The following ZDHHC7 variants were observed in gnomAD, a reference collection of about 807,000 sequenced individuals.
ZDHHC7 encodes the protein palmitoyltransferase ZDHHC7.
Under a neutral mutation model 34.1 loss-of-function variants are expected in ZDHHC7, and 12 were observed. The observed-to-expected ratio is 0.35, with a 90% CI of 0.23 to 0.57. The LOEUF (loss-of-function observed/expected upper bound fraction) is 0.57. ZDHHC7 is among the 20% of genes least tolerant of loss of function. The pLI is 0.84. For synonymous variants in ZDHHC7, 185 were observed against 155.4 expected (o/e 1.19, Z -1.42); for missense variants, 388 against 402.7 (o/e 0.96, Z 0.31).
intron 3 of ZDHHC7, among the ~76,000 whole-genome samples, chr16:84,989,694 C>CCA (rs2072482860): frequency 1.0e-5 from 1 of 96,494 alleles, no homozygotes; most frequent in African/African-American, 4.1e-5. Context: ...AACTCCGTCT[C>CCA]AAAAAAAAAA....
chr16:85,023,972 C>A, the ZDHHC7 span, among the ~76,000 whole-genome samples: 1 of 152,130 alleles, frequency 6.6e-6, no homozygotes, highest in Non-Finnish European at 1.5e-5. Flanking sequence ...GGTTGGAATG[C>A]AATGGTAGGA....
At chr16:85,001,023 G>A (rs1213340977) in intron 1 of ZDHHC7, among the ~76,000 whole-genome samples, 1 of 152,154 alleles carries the variant, frequency 6.6e-6, no homozygotes, top group Non-Finnish European at 1.5e-5. Context: ...CAGCACAGAA[G>A]GGAATTCAGC....
At chr16:85,025,239 C>A in the ZDHHC7 span, among the ~76,000 whole-genome samples, 1 of 151,720 alleles carries the variant, frequency 6.6e-6, no homozygotes, top group Non-Finnish European at 1.5e-5. Context: ...TCACTGCACT[C>A]CGGCCTGGGT....
At chr16:85,023,692 C>T in the ZDHHC7 span, among the ~76,000 whole-genome samples, 1 of 152,172 alleles carries the variant, frequency 6.6e-6, no homozygotes, top group Non-Finnish European at 1.5e-5. Flanking sequence ...AATCTTGGCT[C>T]ACTGCAACCT....
chr16:84,996,800 G>C (rs1019587085), intron 1 of ZDHHC7, among the ~76,000 whole-genome samples: 1 of 152,016 alleles, frequency 6.6e-6, no homozygotes, highest in Admixed American at 6.5e-5. Context: ...AGGCTGAGGC[G>C]GGTGGATCAT....
intron 2 of ZDHHC7, 76 bp from the exon 3 acceptor site, chr16:84,990,711 T>G: frequency 7.9e-7 from 1 of 1,271,548 alleles, no homozygotes; most frequent in Non-Finnish European, 1.1e-6. Context: ...GTGTTACAGT[T>G]TGTCCTTGGC....
At chr16:85,027,598 C>T in the ZDHHC7 span, among the ~76,000 whole-genome samples, 9 of 152,210 alleles carry the variant, frequency 5.9e-5, no homozygotes, top group Admixed American at 5.2e-4. Flanking sequence ...CCCGAGAGCG[C>T]TCCCACCGAG....
At chr16:84,996,144 T>G (rs2072574106) in intron 1 of ZDHHC7, 137 bp from the exon 2 acceptor site, 1 of 152,236 alleles carries the variant, frequency 6.6e-6, no homozygotes, top group Non-Finnish European at 1.5e-5. Flanking sequence ...TATCCTTAAG[T>G]ATGAAATCAT....
At position 84,982,002 on chromosome 16, in the gene ZDHHC7, A is replaced by T; in HGVS notation, c.316-8T>A. ...TCCTTTGGGTACTGCCCCCTACCAT[A>T]TAAGAAGAATGTACTTTAGTTGGGG... On this transcript the variant is annotated splice_polypyrimidine_tract_variant and splice_region_variant and intron_variant, in intron 3 of 7. Transcript: ENST00000313732. 1 of 1,613,906 alleles carries T rather than the reference A, an allele frequency of 6.2e-7. No homozygotes were observed. The highest frequency in any genetic ancestry group is 1.1e-5 in the South Asian group (1 of 91,084).
chr16:85,016,219 A>G (rs1174882208), upstream of ZDHHC7, among the ~76,000 whole-genome samples: 1 of 152,118 alleles, frequency 6.6e-6, no homozygotes, highest in African/African-American at 2.4e-5. Flanking sequence ...ATGAGGTCTC[A>G]CTATGTTGCC....
intron 1 of ZDHHC7, among the ~76,000 whole-genome samples, chr16:85,010,758 G>A (rs904343739): frequency 3.9e-5 from 6 of 152,240 alleles, no homozygotes; most frequent in Non-Finnish European, 7.3e-5. Flanking sequence ...AAGCTTTACT[G>A]TCCCAGATGC....
intron 1 of ZDHHC7, among the ~76,000 whole-genome samples, chr16:85,008,099 G>C (rs139281110): frequency 6.6e-6 from 1 of 152,152 alleles, no homozygotes; most frequent in South Asian, 2.1e-4. Context: ...CTGGGCAAAA[G>C]AGCAAGACCC....
At chr16:84,979,548 C>A (rs1351612813) in intron 4 of ZDHHC7, among the ~76,000 whole-genome samples, 1 of 152,168 alleles carries the variant, frequency 6.6e-6, no homozygotes, top group African/African-American at 2.4e-5. Context: ...CTCAGACACT[C>A]CCCCAGTAGA....
chr16:85,012,929 C>T (rs2072813240), upstream of ZDHHC7, among the ~76,000 whole-genome samples: 1 of 151,738 alleles, frequency 6.6e-6, no homozygotes, highest in African/African-American at 2.4e-5. Context: ...AAGAAAAAAC[C>T]AGAATATATC....
At chr16:84,976,957 G>A (rs1395709161) in intron 7 of ZDHHC7, 138 bp downstream of exon 7, 1 of 1,266,366 alleles carries the variant, frequency 7.9e-7, no homozygotes, top group Non-Finnish European at 1.1e-6. Flanking sequence ...CAAACACAGG[G>A]AGCTGGTTGC....
At chr16:85,026,948 G>A in the ZDHHC7 span, among the ~76,000 whole-genome samples, 2 of 152,128 alleles carry the variant, frequency 1.3e-5, no homozygotes, top group African/African-American at 2.4e-5. Flanking sequence ...ACTAGGGAGG[G>A]GCTGTCAGTT....
At chr16:85,026,717 C>T in the ZDHHC7 span, among the ~76,000 whole-genome samples, 1 of 151,652 alleles carries the variant, frequency 6.6e-6, no homozygotes. Context: ...TTCAGAAAAC[C>T]CACCGTTTTC....
the ZDHHC7 span, among the ~76,000 whole-genome samples, chr16:85,018,865 A>G: frequency 6.6e-6 from 1 of 152,102 alleles, no homozygotes; most frequent in Admixed American, 6.5e-5. Flanking sequence ...TATTTTTCCC[A>G]CCGAGTTTGT....
At chr16:85,012,707 C>G (rs2072810257), upstream of ZDHHC7, among the ~76,000 whole-genome samples, 1 of 152,082 alleles carries the variant, frequency 6.6e-6, no homozygotes, top group Admixed American at 6.6e-5. Context: ...GAGTTCGAAA[C>G]TATCCTGGTC....
Sources: gnomAD v4.1 joint callset for allele counts (sites outside exome capture counted in the v4.1 genomes callset) on GRCh38, gnomAD v4.1.1 for gene constraint, MANE v1.5 for transcripts, NCBI Gene and HGNC (gene_info 2026-07-23, HGNC 2026-07-21) for gene names.